PVT1: variants seen among roughly 807,000 people sequenced by gnomAD.
PVT1 encodes the protein CXCR4/PVT1 fusion.
chr8:128,011,763 A>G (rs548566336), intron 4 of PVT1, among the ~76,000 whole-genome samples: 2 of 152,206 alleles, frequency 1.3e-5, no homozygotes, highest in Admixed American at 6.5e-5. Context: ...GGCTGAGAAG[A>G]GGTCAAATAT....
intron 2 of PVT1, among the ~76,000 whole-genome samples, chr8:127,838,736 A>G (rs1814936232): frequency 6.6e-6 from 1 of 152,124 alleles, no homozygotes; most frequent in African/African-American, 2.4e-5. Flanking sequence ...GGTAGCTTCT[A>G]TTTATTGTTT....
chr8:127,989,092 A>T (rs1416777358), intron 3 of PVT1: 2 of 152,206 alleles, frequency 1.3e-5, no homozygotes, highest in South Asian at 2.1e-4. Flanking sequence ...AAATGAATGA[A>T]ACATCTCATT....
intron 4 of PVT1, among the ~76,000 whole-genome samples, chr8:128,030,494 T>C (rs968422040): frequency 1.3e-5 from 2 of 152,220 alleles, no homozygotes; most frequent in African/African-American, 4.8e-5. Context: ...AAACATGTTA[T>C]ATCCATTTGA....
intron 2 of PVT1, among the ~76,000 whole-genome samples, chr8:127,868,110 G>C (rs990923984): frequency 6.6e-6 from 1 of 152,008 alleles, no homozygotes; most frequent in Non-Finnish European, 1.5e-5. Context: ...CTAGAAGCTA[G>C]GTAACTCTTC....
chr8:128,080,446 T>C (rs1814161916), intron 5 of PVT1, among the ~76,000 whole-genome samples: 1 of 152,238 alleles, frequency 6.6e-6, no homozygotes, highest in African/African-American at 2.4e-5. Context: ...TAGTGGTATC[T>C]AATTGTTGTT....
intron 2 of PVT1, among the ~76,000 whole-genome samples, chr8:127,868,787 A>ATATACGTATATATATATG (rs1554593026): frequency 1.1e-4 from 8 of 75,146 alleles, no homozygotes; most frequent in East Asian, 4.3e-4. Flanking sequence ...ATATATATAT[A>ATATACGTATATATATATG]TATATACATA....
At chr8:127,828,139 T>C (rs1220589700) in intron 2 of PVT1, among the ~76,000 whole-genome samples, 1 of 152,230 alleles carries the variant, frequency 6.6e-6, no homozygotes, top group Non-Finnish European at 1.5e-5. Flanking sequence ...CAGAAGGCTA[T>C]GTGCTTTCTG....
At chr8:127,795,204 C>T (rs1178876524) in intron 1 of PVT1, among the ~76,000 whole-genome samples, 1 of 152,192 alleles carries the variant, frequency 6.6e-6, no homozygotes, top group Non-Finnish European at 1.5e-5. Context: ...TTGAGACTTT[C>T]TCAGTTTTTG....
At chr8:128,073,100 C>T (rs1407240478) in intron 5 of PVT1, among the ~76,000 whole-genome samples, 3 of 152,046 alleles carry the variant, frequency 2.0e-5, no homozygotes, top group Admixed American at 6.6e-5. Context: ...TCCCAAAGTG[C>T]TGGATTACAG....
At chr8:127,920,654 T>C (rs1816045708) in intron 3 of PVT1, among the ~76,000 whole-genome samples, 1 of 152,254 alleles carries the variant, frequency 6.6e-6, no homozygotes. Context: ...AAAGTTGTTG[T>C]GTTGGTAATT....
intron 3 of PVT1, among the ~76,000 whole-genome samples, chr8:127,949,592 C>T (rs1179814228): frequency 6.6e-6 from 1 of 151,914 alleles, no homozygotes; most frequent in African/African-American, 2.4e-5. Context: ...GGCTCCTGTC[C>T]TGGAGCTCAG....
chr8:127,890,842 G>A (rs559754920), exon 3 of PVT1: 1 of 152,304 alleles, frequency 6.6e-6, no homozygotes, highest in Non-Finnish European at 1.5e-5. Context: ...GGATGTCCAT[G>A]GGGGACGAAG....
At chr8:127,959,822 C>T (rs1391554777) in intron 3 of PVT1, among the ~76,000 whole-genome samples, 2 of 152,088 alleles carry the variant, frequency 1.3e-5, no homozygotes, top group Non-Finnish European at 2.9e-5. Context: ...CCGTCAGGAG[C>T]CCCTGGGTGG....
At position 127,887,931 on chromosome 8, in the gene PVT1, GT is replaced by G. The variant is rs560976785; in HGVS notation, n.373-2631del. 7.1e-3 allele frequency among the ~76,000 whole-genome samples: 474 copies of G among 66,532 alleles called. 1 individual carries two copies. The highest frequency in any genetic ancestry group is 0.029 in the African/African-American group (439 of 15,348). 43.6% of individuals were successfully genotyped at this position (66,532 alleles called of 152,430 possible). On this transcript the variant is annotated intron_variant and non_coding_transcript_variant, in intron 2 of 10. Transcript: ENST00000651587. ...TGGATGCAGAATCTCACTCTATCTTGTTTTTTTTTTTTTTTTTTTTTTTTTT... is the reference window on the plus strand; with the variant it reads ...TGGATGCAGAATCTCACTCTATCTTGTTTTTTTTTTTTTTTTTTTTTTTTT...
chr8:128,023,941 G>C (rs989469812), intron 4 of PVT1, among the ~76,000 whole-genome samples: 1 of 152,196 alleles, frequency 6.6e-6, no homozygotes, highest in East Asian at 1.9e-4. Flanking sequence ...TCTACGCCAG[G>C]CACTTCTTAT....
At chr8:128,091,082 C>G (rs374436205) in intron 5 of PVT1, among the ~76,000 whole-genome samples, 23 of 152,182 alleles carry the variant, frequency 1.5e-4, no homozygotes, top group Non-Finnish European at 3.2e-4. Context: ...TCTGAGCACA[C>G]GTGCCTAGCA....
At chr8:127,872,770 G>A (rs1273643808) in intron 2 of PVT1, among the ~76,000 whole-genome samples, 1 of 152,130 alleles carries the variant, frequency 6.6e-6, no homozygotes, top group Non-Finnish European at 1.5e-5. Context: ...GTCTCACATG[G>A]GGGACAGTCT....
rs1228993412 is a variant in PVT1, at chr8:128,074,543, G to GA, written n.1114+4182_1114+4183insA. Among the ~76,000 whole-genome samples the GA allele has an allele frequency of 1.1e-3, 172 of 150,804 alleles. 4 individuals carry two copies. In the South Asian group the frequency reaches 0.035, roughly 31 times the overall value. ...CTAAAAAAAAAAAAAAAAAGGGGGGGGCTCCTTCCCACTCATTTCTCCCAT... is the reference window on the plus strand; with the variant it reads ...CTAAAAAAAAAAAAAAAAAGGGGGGGAGCTCCTTCCCACTCATTTCTCCCAT... On this transcript the variant is annotated intron_variant and non_coding_transcript_variant, in intron 5 of 10. Coordinates refer to ENST00000651587, the Ensembl canonical transcript of PVT1.
At chr8:127,844,136 C>T in intron 2 of PVT1, among the ~76,000 whole-genome samples, 1 of 152,010 alleles carries the variant, frequency 6.6e-6, no homozygotes, top group East Asian at 1.9e-4. Context: ...GCGCCCACCA[C>T]CATGCCCGGC....
Sources: gnomAD v4.1 joint callset for allele counts (sites outside exome capture counted in the v4.1 genomes callset) on GRCh38, gnomAD v4.1.1 for gene constraint, MANE v1.5 for transcripts, NCBI Gene and HGNC (gene_info 2026-07-23, HGNC 2026-07-21) for gene names.